SEC14L1: variants seen among roughly 807,000 people sequenced by gnomAD.
SEC14L1 encodes the protein SEC14-like protein 1.
SEC14L1 carries 48 observed loss-of-function variants against 85.3 expected under a neutral mutation model. The observed-to-expected ratio is 0.56, with a 90% confidence interval of 0.45 to 0.72. SEC14L1 has a LOEUF of 0.72. SEC14L1 is among the 30% of genes least tolerant of loss of function. The pLI, the probability that SEC14L1 is intolerant of heterozygous loss-of-function variation, is 0.00. For missense variants in SEC14L1, 682 were observed against 921.4 expected, an observed-to-expected ratio of 0.74 and a Z score of 3.36; for synonymous variants, 391 against 355.5, an observed-to-expected ratio of 1.10 and a Z score of -1.12.
intron 3 of SEC14L1, among the ~76,000 whole-genome samples, chr17:77,150,192 C>T (rs1205368408): frequency 2.6e-5 from 4 of 152,102 alleles, no homozygotes; most frequent in African/African-American, 9.7e-5. Context: ...CATGTCTTCC[C>T]ATTAAGACCG....
intron 3 of SEC14L1, among the ~76,000 whole-genome samples, chr17:77,125,097 C>T (rs767781942): frequency 2.6e-5 from 4 of 151,694 alleles, no homozygotes; most frequent in South Asian, 4.2e-4. Context: ...CTCTGCCTCC[C>T]GGGTTCAAGC....
intron 3 of SEC14L1, among the ~76,000 whole-genome samples, chr17:77,102,471 G>A (rs987089642): frequency 6.6e-6 from 1 of 151,874 alleles, no homozygotes; most frequent in Non-Finnish European, 1.5e-5. Flanking sequence ...GGAAGTGAAG[G>A]GTATCTTCCC....
rs1270423415 is a variant in SEC14L1, at chr17:77,206,626, G to A, written c.1342-102G>A. On this transcript the variant is annotated intron_variant, in intron 12 of 16. Transcript: ENST00000436233. This position sits in a 1 kb window ranked among gnomAD's most constrained non-coding sequence, Gnocchi z 4.3. ...ACAGAAGAAGTATATAAACTTGAAT[G>A]TCTTCCCCCCACCCTCCCACTCAGA... 6.4e-6 allele frequency: 9 copies of A among 1,395,608 alleles called. No homozygotes were observed. Among genetic ancestry groups the A allele is most frequent in the Admixed American group, 6.4e-5 (3 of 46,804 alleles). The allele number at this position is 1,395,608 out of a possible 1,614,324, so 86.5% of individuals were successfully genotyped here. A position where few individuals can be genotyped will look rare whatever the true frequency, so the allele number is the denominator to read the frequency against.
In SEC14L1 at chr17:77,214,634, C is replaced by T. The variant is rs145083232; in HGVS notation, c.*611C>T. ...ACCACCCACTGTCCTGCAGTGGGGCCGGGGGCTCAGGAGGGGCTCTCAGGG... is the reference window on the plus strand; with the variant it reads ...ACCACCCACTGTCCTGCAGTGGGGCTGGGGGCTCAGGAGGGGCTCTCAGGG... On this transcript the variant is annotated 3_prime_UTR_variant, in exon 17 of 17. Coordinates refer to ENST00000436233, the MANE Select transcript of SEC14L1 (RefSeq NM_001143998.2). 2.0e-4 allele frequency: 201 copies of T among 985,756 alleles called. No individual in the cohort carries two copies. In the African/African-American group the frequency reaches 3.2e-3, roughly 16 times the overall value. 61.1% of individuals were successfully genotyped at this position (985,756 alleles called of 1,614,324 possible).
At chr17:77,176,517 T>C (rs1452173837) in intron 3 of SEC14L1, among the ~76,000 whole-genome samples, 2 of 152,224 alleles carry the variant, frequency 1.3e-5, no homozygotes, top group Non-Finnish European at 2.9e-5. Flanking sequence ...TTGTTAAAAT[T>C]GATGAACTAA....
intron 3 of SEC14L1, among the ~76,000 whole-genome samples, chr17:77,110,877 CAAAAAAA>C (rs1212651345): frequency 1.7e-4 from 8 of 46,652 alleles, no homozygotes; most frequent in Admixed American, 1.4e-3. Flanking sequence ...GACTCTGTCT[CAAAAAAA>C]AAAAAAAAAA....
In SEC14L1 at chr17:77,216,732, G is replaced by T; in HGVS notation, c.*2709G>T. ...ATACCCAAAGACTGTAGTGCATCTTGAAGAGCTCAAAGCACATGACCGCAC... is the reference window on the plus strand; with the variant it reads ...ATACCCAAAGACTGTAGTGCATCTTTAAGAGCTCAAAGCACATGACCGCAC... On this transcript the variant is annotated 3_prime_UTR_variant, in exon 17 of 17. Transcript: ENST00000436233. 1 of 1,232,780 alleles carries T rather than the reference G, an allele frequency of 8.1e-7. No individual in the cohort carries two copies. Among genetic ancestry groups the T allele is most frequent in the Non-Finnish European group, 1.1e-6 (1 of 870,982 alleles). The allele number at this position is 1,232,780 out of a possible 1,614,324, so 76.4% of individuals were successfully genotyped here. A position where few individuals can be genotyped will look rare whatever the true frequency, so the allele number is the denominator to read the frequency against.
intron 3 of SEC14L1, among the ~76,000 whole-genome samples, chr17:77,130,464 G>A (rs935265561): frequency 2.0e-5 from 3 of 151,550 alleles, no homozygotes; most frequent in South Asian, 2.1e-4. Flanking sequence ...TTACAAGTGC[G>A]CTACCACACT....
intron 3 of SEC14L1, among the ~76,000 whole-genome samples, chr17:77,110,742 G>A (rs1972025852): frequency 6.6e-6 from 1 of 151,682 alleles, no homozygotes; most frequent in South Asian, 2.1e-4. Context: ...AAATTAACTG[G>A]GCGTGTTGGC....
Position 77,213,446 on chromosome 17 carries a change from T to C in SEC14L1, c.1996T>C (p.Cys666Arg). 6.2e-7 allele frequency: 1 copy of C among 1,612,502 alleles called. No homozygotes were observed. Among genetic ancestry groups the C allele is most frequent in the Non-Finnish European group, 8.5e-7 (1 of 1,180,022 alleles). ...GTCCCTGCAGGTCTCTTCGCACAAG[T>C]GTAAAGTGATGTACTACACCGAGGT... ...LASLQVSSHK[C>R]KVMYYTEVIG... Residue 666 changes from cysteine (C) to arginine (R), a missense_variant, in exon 16 of 17, where the codon TGT becomes CGT. By Grantham distance (180) the Cys-to-Arg change is radical. Around this residue, in one of 3 missense-constraint regions of SEC14L1, gnomAD observed 420 missense variants for 619.5 expected, o/e 0.68. Transcript: ENST00000436233. The surrounding 1 kb of genome is among the most constrained non-coding windows in gnomAD (Gnocchi z 7.1).
At chr17:77,184,333 G>T (rs2143757854) in intron 3 of SEC14L1, among the ~76,000 whole-genome samples, 1 of 152,296 alleles carries the variant, frequency 6.6e-6, no homozygotes, top group Admixed American at 6.5e-5. Context: ...TGTCTCTTCT[G>T]AATGCCTTAC....
rs1199005845 is a variant in SEC14L1, at chr17:77,143,789, T to C, written c.63+130T>C. The C allele has an allele frequency of 6.0e-6, 4 of 667,902 alleles. No individual in the cohort carries two copies. In the East Asian group the frequency reaches 1.1e-4, roughly 19 times the overall value. The allele number at this position is 667,902 out of a possible 1,614,324, so 41.4% of individuals were successfully genotyped here. ...TGAACTTACTCTGTTTTTATGCTTA[T>C]GAACCGTATCTAGAGTGTGTAAAAT... On this transcript the variant is annotated intron_variant, in intron 3 of 16. Transcript: ENST00000436233.
chr17:77,091,026 C>T (rs1017666021), intron 2 of SEC14L1, among the ~76,000 whole-genome samples: 8 of 150,464 alleles, frequency 5.3e-5, no homozygotes, highest in South Asian at 2.1e-4. Flanking sequence ...GCGGCTCAGG[C>T]GAGGATGTTG....
chr17:77,097,457 G>A (rs537031352), intron 3 of SEC14L1, among the ~76,000 whole-genome samples: 1 of 152,148 alleles, frequency 6.6e-6, no homozygotes, highest in Non-Finnish European at 1.5e-5. Flanking sequence ...CCAACTACTC[G>A]GGAGGCTGAG....
chr17:77,146,508 AT>A (rs775789691), intron 3 of SEC14L1, among the ~76,000 whole-genome samples: 2 of 152,182 alleles, frequency 1.3e-5, no homozygotes, highest in Non-Finnish European at 2.9e-5. Context: ...CGAAATTCAA[AT>A]TCTGAGCTGC....
intron 3 of SEC14L1, among the ~76,000 whole-genome samples, chr17:77,179,969 G>A (rs1047737552): frequency 8.0e-5 from 12 of 149,686 alleles, no homozygotes; most frequent in South Asian, 2.1e-4. Context: ...GAGCCGCCGC[G>A]CCTGGCCTAC....
chr17:77,128,464 T>G (rs1972519965), intron 3 of SEC14L1, among the ~76,000 whole-genome samples: 1 of 140,546 alleles, frequency 7.1e-6, no homozygotes, highest in Non-Finnish European at 1.5e-5. Flanking sequence ...TATTATGTTT[T>G]TTTTTTTTTT....
At position 77,206,411 on chromosome 17, in the gene SEC14L1, A is replaced by G; in HGVS notation, c.1341+11A>G. ...GTGCTCTGGACGCTGGTGGGTTGAGATGCTTTTTGCAGTAACTGTGAGCCA... is the reference window on the plus strand; with the variant it reads ...GTGCTCTGGACGCTGGTGGGTTGAGGTGCTTTTTGCAGTAACTGTGAGCCA... On this transcript the variant is annotated intron_variant, in intron 12 of 16. Transcript: ENST00000436233. The surrounding 1 kb of genome is among the most constrained non-coding windows in gnomAD (Gnocchi z 4.3). 1.9e-6 allele frequency: 3 copies of G among 1,610,726 alleles called. No homozygotes were observed. The South Asian group carries it at 3.3e-5, about 18-fold the overall frequency.
intron 3 of SEC14L1, among the ~76,000 whole-genome samples, chr17:77,125,294 G>A (rs1419781078): frequency 6.6e-6 from 1 of 151,812 alleles, no homozygotes; most frequent in African/African-American, 2.4e-5. Flanking sequence ...ACCTTGCCCG[G>A]ACAGAATAAG....
Sources: gnomAD v4.1 joint callset for allele counts (sites outside exome capture counted in the v4.1 genomes callset) on GRCh38, gnomAD v4.1.1 for gene constraint, gnomAD v4.1.1 regional missense constraint, Gnocchi (gnomAD v3.1) non-coding constraint, MANE v1.5 for transcripts, NCBI Gene and HGNC (gene_info 2026-07-23, HGNC 2026-07-21) for gene names.